Variants in ELP4 observed in about 807,000 individuals in gnomAD.
The protein encoded by ELP4 is elongator complex protein 4.
ELP4 carries 51 observed loss-of-function variants against 48.9 expected under a neutral mutation model. The observed-to-expected ratio is 1.04, with a 90% confidence interval of 0.83 to 1.32. The LOEUF is 1.32. Ranked by LOEUF, ELP4 falls within the 40% of genes most tolerant of loss-of-function variation. The pLI is 0.00. For synonymous variants in ELP4, 210 were observed against 189.2 expected (o/e 1.11, Z -0.90); for missense variants, 519 against 514.6 (o/e 1.01, Z -0.08).
intron 3 of ELP4, among the ~76,000 whole-genome samples, chr11:31,553,322 T>G (rs1956880320): frequency 6.6e-6 from 1 of 152,162 alleles, no homozygotes; most frequent in Non-Finnish European, 1.5e-5. Context: ...GAGAGTGTTT[T>G]GAAAGGAATT....
intron 9 of ELP4, among the ~76,000 whole-genome samples, chr11:31,700,252 G>T (rs768523930): frequency 6.6e-6 from 1 of 151,884 alleles, no homozygotes; most frequent in Non-Finnish European, 1.5e-5. Context: ...TGGAGCAAAT[G>T]AAAAATTAAA....
At chr11:31,690,059 A>C (rs1365364736) in intron 9 of ELP4, among the ~76,000 whole-genome samples, 1 of 152,198 alleles carries the variant, frequency 6.6e-6, no homozygotes, top group Non-Finnish European at 1.5e-5. Flanking sequence ...CGTATGCATT[A>C]TCTCACTTAA....
At chr11:31,610,388 A>G (rs902597557) in intron 5 of ELP4, among the ~76,000 whole-genome samples, 1 of 152,108 alleles carries the variant, frequency 6.6e-6, no homozygotes. Context: ...TTTAGATTCA[A>G]AGGGTACATT....
At chr11:31,736,597 C>A (rs1947323416) in intron 9 of ELP4, among the ~76,000 whole-genome samples, 1 of 152,162 alleles carries the variant, frequency 6.6e-6, no homozygotes, top group Admixed American at 6.5e-5. Context: ...GGCTAATATA[C>A]AGAGTCTACA....
chr11:31,543,966 T>C (rs576813911), intron 3 of ELP4, among the ~76,000 whole-genome samples: 1 of 152,094 alleles, frequency 6.6e-6, no homozygotes, highest in South Asian at 2.1e-4. Context: ...AATACTAAAG[T>C]TTTTCACAAA....
intron 7 of ELP4, among the ~76,000 whole-genome samples, chr11:31,642,481 A>G (rs149384396): frequency 1.2e-3 from 184 of 152,000 alleles, no homozygotes; most frequent in African/African-American, 4.3e-3. Context: ...TTCACCATCA[A>G]GGTTAGGAAT....
At chr11:31,538,653 T>A (rs2133904617) in intron 2 of ELP4, among the ~76,000 whole-genome samples, 1 of 151,586 alleles carries the variant, frequency 6.6e-6, no homozygotes, top group South Asian at 2.1e-4. Context: ...GATTTGGTTT[T>A]ACAGTATTTA....
chr11:31,623,788 G>T (rs1944679383), intron 5 of ELP4, among the ~76,000 whole-genome samples: 1 of 150,400 alleles, frequency 6.6e-6, no homozygotes, highest in Non-Finnish European at 1.5e-5. Context: ...ATGGAATGGG[G>T]GTAAATATTT....
chr11:31,572,786 G>A (rs1005938299), intron 3 of ELP4, among the ~76,000 whole-genome samples: 3 of 152,162 alleles, frequency 2.0e-5, no homozygotes, highest in African/African-American at 4.8e-5. Flanking sequence ...GATCACTTGA[G>A]GCCAGGAGTT....
Position 31,627,174 on chromosome 11 carries a change from T to C in ELP4, c.718T>C (p.Phe240Leu), listed in dbSNP as rs1203404746. ...FIQNIIYEEGFDGSNPQKKQR... is the reference protein window; with the variant it reads ...FIQNIIYEEGLDGSNPQKKQR... Reference sequence around the variant, plus strand: ...CCAGAACATCATTTATGAGGAAGGATTTGATGGATCCAATCCTCAGGTATT... The same window carrying C: ...CCAGAACATCATTTATGAGGAAGGACTTGATGGATCCAATCCTCAGGTATT... The change falls in exon 6 of 10, where the codon TTT becomes CTT. Residue 240 changes from phenylalanine to leucine, a missense_variant. By Grantham distance (22) the Phe-to-Leu change is conservative. Coordinates refer to ENST00000640961, the MANE Select transcript of ELP4 (RefSeq NM_019040.5). 4 of 1,597,274 alleles carry C rather than the reference T, an allele frequency of 2.5e-6. No individual in the cohort carries two copies. Among genetic ancestry groups the C allele is most frequent in the Admixed American group, 3.4e-5 (2 of 58,968 alleles).
At position 31,783,537 on chromosome 11, in the gene ELP4, A is replaced by C; in HGVS notation, c.*13A>C. 6.2e-7 allele frequency: 1 copy of C among 1,612,058 alleles called. No individual in the cohort carries two copies. Among genetic ancestry groups the C allele is most frequent in the African/African-American group, 1.3e-5 (1 of 74,906 alleles). Reference sequence around the variant, plus strand: ...CCTGGACTTCTAGGGATTCCTCCTTAGTCGCTGCATGCAGAATTCTATGAC... The same window carrying C: ...CCTGGACTTCTAGGGATTCCTCCTTCGTCGCTGCATGCAGAATTCTATGAC... On this transcript the variant is annotated 3_prime_UTR_variant, in exon 10 of 10. Transcript: ENST00000640961.
At chr11:31,638,244 TG>T (rs1945021848) in intron 7 of ELP4, among the ~76,000 whole-genome samples, 1 of 151,902 alleles carries the variant, frequency 6.6e-6, no homozygotes, top group Non-Finnish European at 1.5e-5. Flanking sequence ...TATGTCAGTA[TG>T]TTTTTTTCAT....
intron 9 of ELP4, among the ~76,000 whole-genome samples, chr11:31,735,173 A>C (rs1364104416): frequency 2.6e-5 from 4 of 151,014 alleles, no homozygotes; most frequent in Non-Finnish European, 3.0e-5. Context: ...AAAAAAAAAA[A>C]CACGCACAAA....
chr11:31,719,616 T>C (rs1374647180), intron 9 of ELP4: 1 of 396,414 alleles, frequency 2.5e-6, no homozygotes, highest in East Asian at 3.6e-5. Flanking sequence ...AAATGTTCTA[T>C]GTTTTCTTCA....
intron 3 of ELP4, among the ~76,000 whole-genome samples, chr11:31,581,220 C>G (rs1957386729): frequency 6.6e-6 from 1 of 152,172 alleles, no homozygotes; most frequent in Non-Finnish European, 1.5e-5. Context: ...TATTCTGGCA[C>G]TTTCCTTTAT....
intron 9 of ELP4, among the ~76,000 whole-genome samples, chr11:31,734,342 A>G (rs750714352): frequency 4.6e-5 from 7 of 152,224 alleles, no homozygotes; most frequent in Non-Finnish European, 1.0e-4. Flanking sequence ...TATCGAACGT[A>G]GTACTGGAAG....
At chr11:31,773,422 C>G (rs1433868943) in intron 9 of ELP4, among the ~76,000 whole-genome samples, 1 of 152,154 alleles carries the variant, frequency 6.6e-6, no homozygotes, top group East Asian at 1.9e-4. Context: ...CATAGTCAGG[C>G]ACAGGTACCA....
chr11:31,753,864 T>C (rs1394885963), intron 9 of ELP4, among the ~76,000 whole-genome samples: 4 of 152,082 alleles, frequency 2.6e-5, no homozygotes, highest in Non-Finnish European at 4.4e-5. Context: ...ATGAGAAAAA[T>C]AGATGTCAAA....
intron 9 of ELP4, among the ~76,000 whole-genome samples, chr11:31,742,884 A>G (rs1314599796): frequency 6.6e-6 from 1 of 152,222 alleles, no homozygotes; most frequent in East Asian, 1.9e-4. Flanking sequence ...TGACAGGATC[A>G]AATTCACACA....
Sources: allele counts gnomAD v4.1 joint callset (sites outside exome capture counted in the v4.1 genomes callset), GRCh38; gene constraint gnomAD v4.1.1; transcripts MANE v1.5; gene names NCBI Gene and HGNC (gene_info 2026-07-23, HGNC 2026-07-21).